The following SYT1 variants were observed in gnomAD, a reference collection of about 807,000 sequenced individuals.
SYT1 encodes synaptotagmin 1.
Under a neutral mutation model 44.8 loss-of-function variants are expected in SYT1, and 8 were observed. That is an observed-to-expected ratio of 0.18 (90% CI 0.10 to 0.32). SYT1 has a LOEUF of 0.32. SYT1 is among the 10% of genes least tolerant of loss of function. The probability of loss-of-function intolerance (pLI) is 1.00; values close to 1 mark genes in which losing one functional copy is unlikely to be tolerated. For synonymous variants in SYT1, 154 were observed against 188.8 expected, an observed-to-expected ratio of 0.82 and a Z score of 1.51; for missense variants, 286 against 509.3, an observed-to-expected ratio of 0.56 and a Z score of 4.22.
At chr12:79,150,595 T>C (rs1186385927) in intron 3 of SYT1, among the ~76,000 whole-genome samples, 1 of 152,146 alleles carries the variant, frequency 6.6e-6, no homozygotes, top group African/African-American at 2.4e-5. Flanking sequence ...AAATGGGCAC[T>C]GAACTGTCAT....
intron 2 of SYT1, among the ~76,000 whole-genome samples, chr12:78,984,417 A>T (rs1344308705): frequency 6.6e-6 from 1 of 152,036 alleles, no homozygotes; most frequent in African/African-American, 2.4e-5. Context: ...TGAATAAAAC[A>T]TGCATTTTAT....
intron 1 of SYT1, among the ~76,000 whole-genome samples, chr12:78,876,614 C>T (rs1217256156): frequency 7.3e-6 from 1 of 136,448 alleles, no homozygotes; most frequent in Non-Finnish European, 1.5e-5. Context: ...TAAATATATA[C>T]ACATATGTAT....
chr12:78,955,468 AAGCTGGAAACTCCTGG>A (rs1879160082), intron 1 of SYT1: 1 of 152,144 alleles, frequency 6.6e-6, no homozygotes, highest in South Asian at 2.1e-4. Flanking sequence ...ACAGTTCTGG[AAGCTGGAAACTCCTGG>A]ATCAAGGCCC....
chr12:79,172,969 CAAAAAAAAAAAAAAAA>C lies in SYT1; in HGVS notation c.-17-44512_-17-44497del, dbSNP rs200575966. On this transcript the variant is annotated intron_variant, in intron 3 of 10. Transcript: ENST00000261205. Reference sequence around the variant, plus strand: ...TTCAGGTTACTAGAGTTCCTGCTCTCAAAAAAAAAAAAAAAAAAAAAAAAAAAAAAAAAAAAAGGGA... The same window carrying C: ...TTCAGGTTACTAGAGTTCCTGCTCTCAAAAAAAAAAAAAAAAAAAAAGGGA... 0.014 allele frequency among the ~76,000 whole-genome samples: 217 copies of C among 15,720 alleles called. 7 individuals are homozygous for C. The East Asian group carries it at 0.24, about 17-fold the overall frequency. The allele number at this position is 15,720 out of a possible 152,430, so 10.3% of individuals were successfully genotyped here. A position where few individuals can be genotyped will look rare whatever the true frequency, so the allele number is the denominator to read the frequency against.
rs561977716 is a variant in SYT1 at position 79,235,926 on chromosome 12, C to T, written c.166+18241C>T. On this transcript the variant is annotated intron_variant, in intron 4 of 10. Transcript: ENST00000261205. Reference sequence around the variant, plus strand: ...ACTAAATTCACTTTCTTTTCTTTTTCCCCCAACAAAACAAACACATGCATG... The same window carrying T: ...ACTAAATTCACTTTCTTTTCTTTTTTCCCCAACAAAACAAACACATGCATG... 4.6e-5 allele frequency among the ~76,000 whole-genome samples: 7 copies of T among 152,168 alleles called. 1 individual carries two copies. In the South Asian group the frequency reaches 1.0e-3, roughly 23 times the overall value.
chr12:79,116,101 C>T (rs896394040), intron 3 of SYT1, among the ~76,000 whole-genome samples: 4 of 152,142 alleles, frequency 2.6e-5, no homozygotes, highest in Non-Finnish European at 5.9e-5. Flanking sequence ...TTTCAGGTAC[C>T]TTGTCATTAA....
chr12:79,052,456 C>G lies in SYT1; in HGVS notation c.-18+5094C>G, dbSNP rs571852714. Among the ~76,000 whole-genome samples the G allele has an allele frequency of 9.8e-5, 15 of 152,290 alleles. 1 individual carries two copies. In the South Asian group the frequency reaches 2.9e-3, roughly 29 times the overall value. Reference sequence around the variant, plus strand: ...AGGACATATGCATGGGCAAGGACTTCATGTCTAAAACACCAAAAGCAATGG... The same window carrying G: ...AGGACATATGCATGGGCAAGGACTTGATGTCTAAAACACCAAAAGCAATGG... On this transcript the variant is annotated intron_variant, in intron 3 of 10. Coordinates refer to ENST00000261205, the MANE Select transcript of SYT1 (RefSeq NM_005639.3).
At chr12:79,040,071 C>T (rs1260762026) in intron 2 of SYT1, among the ~76,000 whole-genome samples, 11 of 151,954 alleles carry the variant, frequency 7.2e-5, no homozygotes, top group Admixed American at 1.3e-4. Flanking sequence ...TGAGTAATGC[C>T]GCAATAAACA....
rs192996732 is a variant in SYT1, at chr12:79,045,906, T to G, written c.-83-1391T>G. 9 of 152,268 alleles carry G rather than the reference T, an allele frequency of 5.9e-5. No homozygotes were observed. The East Asian group carries it at 1.7e-3, about 29-fold the overall frequency. The allele number at this position is 152,268 out of a possible 1,614,324, so 9.4% of individuals were successfully genotyped here. ...GAATGTCTTTGTCTTATTTAACAGG[T>G]TTTTTTCCCATATTTCTTGTAAGAA... On this transcript the variant is annotated intron_variant, in intron 2 of 10. Coordinates refer to ENST00000261205, the MANE Select transcript of SYT1 (RefSeq NM_005639.3).
chr12:79,262,852 T>A (rs1245841), intron 4 of SYT1, among the ~76,000 whole-genome samples: 104,386 of 152,100 alleles, frequency 0.69, 36,157 homozygotes, highest in Admixed American at 0.72. Context: ...ACTGTATTCT[T>A]CCCTCTGTTG....
At chr12:78,935,500 C>A (rs1592580730) in intron 1 of SYT1, among the ~76,000 whole-genome samples, 1 of 151,948 alleles carries the variant, frequency 6.6e-6, no homozygotes, top group South Asian at 2.1e-4. Context: ...AGAAGTAAGA[C>A]CCTCCAAAAA....
chr12:78,887,795 A>G (rs1874829438), intron 1 of SYT1, among the ~76,000 whole-genome samples: 1 of 152,130 alleles, frequency 6.6e-6, no homozygotes, highest in South Asian at 2.1e-4. Flanking sequence ...ACATACTAAA[A>G]TATAATTTCA....
At chr12:79,274,438 C>T (rs186449448) in intron 4 of SYT1, among the ~76,000 whole-genome samples, 1 of 152,288 alleles carries the variant, frequency 6.6e-6, no homozygotes, top group East Asian at 1.9e-4. Flanking sequence ...GTCTGCTGCC[C>T]CTCTCTTCCT....
At chr12:79,352,186 A>ACCC (rs34574402) in intron 8 of SYT1, among the ~76,000 whole-genome samples, 35 of 123,756 alleles carry the variant, frequency 2.8e-4, no homozygotes, top group African/African-American at 6.3e-4. Context: ...TAATGAATAC[A>ACCC]CCCCCCCCCC....
At chr12:79,317,447 A>C (rs1465572673) in intron 8 of SYT1, among the ~76,000 whole-genome samples, 1 of 152,204 alleles carries the variant, frequency 6.6e-6, no homozygotes, top group Non-Finnish European at 1.5e-5. Flanking sequence ...GACGGGCCAC[A>C]GCAAGATTGT....
At chr12:79,145,738 T>G (rs751122152) in intron 3 of SYT1, among the ~76,000 whole-genome samples, 12 of 126,408 alleles carry the variant, frequency 9.5e-5, no homozygotes, top group South Asian at 4.9e-4. Flanking sequence ...AACATAGTGG[T>G]TTTTTTTTTT....
intron 9 of SYT1, among the ~76,000 whole-genome samples, chr12:79,378,115 T>G (rs1353495699): frequency 1.3e-5 from 2 of 152,104 alleles, no homozygotes; most frequent in Non-Finnish European, 2.9e-5. Context: ...GCCATGGAGT[T>G]TTCACTCATC....
At chr12:79,193,691 G>A (rs1873267249) in intron 3 of SYT1, among the ~76,000 whole-genome samples, 1 of 152,120 alleles carries the variant, frequency 6.6e-6, no homozygotes, top group South Asian at 2.1e-4. Flanking sequence ...TCATGCCACT[G>A]CACTCCAGCC....
intron 4 of SYT1, among the ~76,000 whole-genome samples, chr12:79,244,310 C>A (rs1245863679): frequency 1.3e-5 from 2 of 152,198 alleles, no homozygotes; most frequent in East Asian, 3.8e-4. Flanking sequence ...TCCTCAAGAA[C>A]TTTCCACATG....
Sources: allele counts gnomAD v4.1 joint callset (sites outside exome capture counted in the v4.1 genomes callset), GRCh38; gene constraint gnomAD v4.1.1; transcripts MANE v1.5; gene names NCBI Gene and HGNC (gene_info 2026-07-23, HGNC 2026-07-21).